The following POFUT4 variants were observed in gnomAD, a reference collection of about 807,000 sequenced individuals.
The protein encoded by POFUT4 is protein O-fucosyltransferase 4.
chr10:73,772,856 T>A, the POFUT4 span: 1 of 1,612,140 alleles, frequency 6.2e-7, no homozygotes, highest in Non-Finnish European at 8.5e-7. Flanking sequence ...CAGTCGCCAC[T>A]CGGATTACCC....
the POFUT4 span, chr10:73,775,560 C>T: frequency 1.2e-6 from 2 of 1,614,222 alleles, no homozygotes; most frequent in South Asian, 2.2e-5. Flanking sequence ...GATGTGGCTG[C>T]AAGATTATTG....
the POFUT4 span, among the ~76,000 whole-genome samples, chr10:73,776,837 G>A: frequency 2.6e-5 from 4 of 152,066 alleles, no homozygotes; most frequent in Admixed American, 1.3e-4. Flanking sequence ...GCACCACCAC[G>A]CCCAGCTAAT....
the POFUT4 span, chr10:73,774,108 A>G: frequency 5.9e-6 from 2 of 339,254 alleles, no homozygotes; most frequent in East Asian, 9.9e-5. Context: ...CAGGGGAGAG[A>G]GAAAATGGGG....
At chr10:73,775,602 G>A in the POFUT4 span, 4 of 1,614,238 alleles carry the variant, frequency 2.5e-6, no homozygotes, top group Admixed American at 6.7e-5. Context: ...AGCTCTCACT[G>A]CCATGATCCA....
At chr10:73,772,556 T>C in the POFUT4 span, 5 of 1,575,324 alleles carry the variant, frequency 3.2e-6, no homozygotes, top group Non-Finnish European at 4.3e-6. Context: ...GGCGGGGGAC[T>C]TGCCGGTACT....
At chr10:73,775,451 G>A in the POFUT4 span, 160 of 1,613,430 alleles carry the variant, frequency 9.9e-5, no homozygotes, top group Admixed American at 2.3e-4. Context: ...CACTGTATCT[G>A]CTTAAGATTT....
the POFUT4 span, chr10:73,775,859 CA>C: frequency 8.9e-5 from 57 of 643,710 alleles, no homozygotes; most frequent in East Asian, 1.6e-3. Context: ...CAAGGTCTAA[CA>C]TAGGGCCTCT....
chr10:73,772,832 C>G, the POFUT4 span: 2 of 1,612,334 alleles, frequency 1.2e-6, no homozygotes, highest in Non-Finnish European at 1.7e-6. Flanking sequence ...CCTCTTCAAT[C>G]TTACCTCCAC....
the POFUT4 span, chr10:73,780,239 GCTT>G: frequency 6.6e-6 from 1 of 152,172 alleles, no homozygotes; most frequent in East Asian, 1.9e-4. Flanking sequence ...GTAATAAACT[GCTT>G]CTTGTTAAAC....
the POFUT4 span, chr10:73,772,310 G>C: frequency 7.1e-7 from 1 of 1,417,854 alleles, no homozygotes; most frequent in Non-Finnish European, 9.2e-7. Flanking sequence ...GCTGGCCGAG[G>C]GGGCGCCGGC....
the POFUT4 span, chr10:73,779,578 A>T: frequency 6.6e-6 from 1 of 151,788 alleles, no homozygotes; most frequent in Admixed American, 6.6e-5. Flanking sequence ...AAAAAAAAAA[A>T]ATCTGTTAAA....
chr10:73,772,295 T>G, the POFUT4 span: 2 of 1,375,022 alleles, frequency 1.5e-6, no homozygotes, highest in Non-Finnish European at 1.9e-6. Context: ...CTGGGCGGGG[T>G]CGGTGCTGGC....
the POFUT4 span, chr10:73,775,194 T>C: frequency 1.8e-6 from 1 of 543,622 alleles, no homozygotes; most frequent in South Asian, 2.7e-5. Context: ...TAAAAGATAA[T>C]CATCTAAAGA....
At chr10:73,773,193 G>T in the POFUT4 span, 1 of 1,608,540 alleles carries the variant, frequency 6.2e-7, no homozygotes. Flanking sequence ...GGTCTAGGTA[G>T]ACTCCTACGG....
the POFUT4 span, among the ~76,000 whole-genome samples, chr10:73,778,125 A>C: frequency 9.6e-6 from 1 of 104,578 alleles, no homozygotes; most frequent in Non-Finnish European, 2.0e-5. Context: ...CGGCCTCCCA[A>C]AGTGCTGGGA....
chr10:73,775,780 C>G, the POFUT4 span: 1 of 1,260,474 alleles, frequency 7.9e-7, no homozygotes, highest in East Asian at 2.3e-5. Context: ...CCTTAATGAA[C>G]ACTGTCTTTT....
At chr10:73,777,369 G>A in the POFUT4 span, among the ~76,000 whole-genome samples, 1 of 148,954 alleles carries the variant, frequency 6.7e-6, no homozygotes, top group African/African-American at 2.5e-5. Flanking sequence ...TAATTCTTTT[G>A]TTTGCCTAAT....
chr10:73,773,115 CCAGG>C, the POFUT4 span: 15 of 366,692 alleles, frequency 4.1e-5, no homozygotes, highest in Non-Finnish European at 7.5e-5. Context: ...GTCCAGGACT[CCAGG>C]TGTCCAGGAC....
chr10:73,777,627 T>G, the POFUT4 span, among the ~76,000 whole-genome samples: 1 of 152,042 alleles, frequency 6.6e-6, no homozygotes, highest in Non-Finnish European at 1.5e-5. Flanking sequence ...CGATCTCAGC[T>G]TACTAGAATC....
Sources: gnomAD v4.1 joint callset for allele counts (sites outside exome capture counted in the v4.1 genomes callset) on GRCh38, gnomAD v4.1.1 for gene constraint, MANE v1.5 for transcripts, NCBI Gene and HGNC (gene_info 2026-07-23, HGNC 2026-07-21) for gene names.